LRRC40: variants seen among roughly 807,000 people sequenced by gnomAD.
LRRC40 encodes leucine rich repeat containing 40.
LRRC40 carries 76 observed loss-of-function variants against 72.8 expected under a neutral mutation model. The observed-to-expected ratio is 1.04, with a 90% CI of 0.87 to 1.26. The LOEUF (loss-of-function observed/expected upper bound fraction) is 1.26, where lower values mean the gene tolerates loss of function less well. LRRC40 is among the 50% of genes most tolerant of loss of function. The pLI is 0.00. For missense variants in LRRC40, 684 were observed against 698.9 expected, an observed-to-expected ratio of 0.98 and a Z score of 0.24; for synonymous variants, 243 against 254.2, an observed-to-expected ratio of 0.96 and a Z score of 0.42.
Position 70,145,901 on chromosome 1 carries a change from AT to A in LRRC40, c.1707del (p.Leu570TyrfsTer16), listed in dbSNP as rs747140065. 21 of 1,547,300 alleles carry A rather than the reference AT, an allele frequency of 1.4e-5. No homozygotes were observed. The highest frequency in any genetic ancestry group is 3.6e-6 in the Non-Finnish European group (4 of 1,121,838). On this transcript the variant is annotated frameshift_variant, in exon 15 of 15. Transcript: ENST00000370952. LOFTEE classifies it high-confidence loss of function. Reference sequence around the variant, plus strand: ...CGGAATGGATTTCCATCCAGTAGTAATGTTCTAAACAAAAGAGAGAAATTGA... The same window carrying A: ...CGGAATGGATTTCCATCCAGTAGTAAGTTCTAAACAAAAGAGAGAAATTGA... Reference protein sequence around the residue: ...PELGNCVNLRTLLLDGNPFRV... With the variant: ...PELGNCVNLRXLLLDGNPFRV...
chr1:70,156,514 C>T (rs1667639886), intron 10 of LRRC40, among the ~76,000 whole-genome samples: 1 of 151,904 alleles, frequency 6.6e-6, no homozygotes. Context: ...AAATAAATTT[C>T]CTCTTTATTA....
chr1:70,181,043 C>A (rs760337834), intron 5 of LRRC40, 43 bp downstream of exon 5: 4 of 1,339,642 alleles, frequency 3.0e-6, no homozygotes, highest in Admixed American at 2.3e-5. Flanking sequence ...GTAAGTTGCA[C>A]CAACTTCAAA....
intron 1 of LRRC40, among the ~76,000 whole-genome samples, chr1:70,199,320 G>C (rs1446012133): frequency 6.6e-6 from 1 of 150,934 alleles, no homozygotes; most frequent in African/African-American, 2.4e-5. Flanking sequence ...CACTTTTTAT[G>C]CTTTTCTCTA....
At position 70,145,912 on chromosome 1, in the gene LRRC40, A is replaced by G. The variant is rs548081914; in HGVS notation, c.1704-7T>C. The stretch of plus-strand genomic sequence containing the variant: ...TCCATCCAGTAGTAATGTTCTAAAC[A>G]AAAGAGAGAAATTGAGAATGTAAAC... On this transcript the variant is annotated splice_region_variant and splice_polypyrimidine_tract_variant and intron_variant, in intron 14 of 14. Coordinates refer to ENST00000370952, the MANE Select transcript of LRRC40 (RefSeq NM_017768.5). The G allele has an allele frequency of 2.1e-6, 3 of 1,398,172 alleles. No homozygotes were observed. The highest frequency in any genetic ancestry group is 2.3e-5 in the East Asian group (1 of 42,900). The allele number at this position is 1,398,172 out of a possible 1,614,324, so 86.6% of individuals were successfully genotyped here. A position where few individuals can be genotyped will look rare whatever the true frequency, so the allele number is the denominator to read the frequency against.
chr1:70,182,851 A>T (rs1668277010), intron 4 of LRRC40, among the ~76,000 whole-genome samples: 1 of 152,148 alleles, frequency 6.6e-6, no homozygotes, highest in Admixed American at 6.5e-5. Flanking sequence ...GAGTCTGTAG[A>T]ACACAATTCT....
At chr1:70,195,777 A>G (rs1004931764) in intron 1 of LRRC40, among the ~76,000 whole-genome samples, 2 of 152,156 alleles carry the variant, frequency 1.3e-5, no homozygotes, top group African/African-American at 4.8e-5. Flanking sequence ...CTGGACTTAC[A>G]GGCATGTGCC....
chr1:70,145,911 CA>C lies in LRRC40; in HGVS notation c.1704-7del. On this transcript the variant is annotated splice_polypyrimidine_tract_variant and splice_region_variant and intron_variant, in intron 14 of 14. Coordinates refer to ENST00000370952, the MANE Select transcript of LRRC40 (RefSeq NM_017768.5). ...TTCCATCCAGTAGTAATGTTCTAAA[CA>C]AAAGAGAGAAATTGAGAATGTAAAC... The C allele has an allele frequency of 7.0e-7, 1 of 1,436,246 alleles. No homozygotes were observed. Among genetic ancestry groups the C allele is most frequent in the Non-Finnish European group, 9.7e-7 (1 of 1,029,878 alleles). The allele number at this position is 1,436,246 out of a possible 1,614,324, so 89.0% of individuals were successfully genotyped here.
rs772790179 is a variant in LRRC40 at position 70,181,155 on chromosome 1, T to A, written c.592A>T (p.Ser198Cys). Residue 198 changes from serine (S) to cysteine (C), a missense_variant, in exon 5 of 15, where the codon AGT (serine) becomes TGT (cysteine). Coordinates refer to ENST00000370952, the MANE Select transcript of LRRC40 (RefSeq NM_017768.5). ...TVPASFSSLSSLVRLNLSSNE... is the reference protein window; with the variant it reads ...TVPASFSSLSCLVRLNLSSNE... The stretch of plus-strand genomic sequence containing the variant: ...CTAGAAAGATTGAGTCGCACCAGAC[T>A]GGACAGAGAAGAAAAACTAGCAGGA... The A allele has an allele frequency of 6.3e-7, 1 of 1,597,122 alleles. No homozygotes were observed. The highest frequency in any genetic ancestry group is 8.5e-7 in the Non-Finnish European group (1 of 1,172,680).
rs1029478787 is a variant in LRRC40, at chr1:70,189,258, C to T, written c.167G>A (p.Trp56Ter). 2 of 1,604,074 alleles carry T rather than the reference C, an allele frequency of 1.2e-6. No homozygotes were observed. Among genetic ancestry groups the T allele is most frequent in the East Asian group, 2.2e-5 (1 of 44,576 alleles). The stretch of plus-strand genomic sequence containing the variant: ...CTCAGGGATATCCACATTTATTCTC[C>T]AGACACACTGCGGCACTAGTTCCAT... ...RNLSEVPQCV[W>*]RINVDIPEEA... Residue 56 changes from tryptophan to a stop codon, truncating the protein, a stop_gained, in exon 2 of 15, where the codon TGG (tryptophan) becomes TAG (stop). Coordinates refer to ENST00000370952, the MANE Select transcript of LRRC40 (RefSeq NM_017768.5). LOFTEE classifies it high-confidence loss of function.
intron 14 of LRRC40, 67 bp downstream of exon 14, chr1:70,148,414 TGAAAAA>T (rs1402657719): frequency 2.3e-6 from 3 of 1,305,234 alleles, no homozygotes; most frequent in African/African-American, 3.0e-5. Context: ...CAAATTTATC[TGAAAAA>T]GAAAAACAAA....
At chr1:70,162,577 G>C (rs1667788965) in intron 9 of LRRC40, among the ~76,000 whole-genome samples, 1 of 152,116 alleles carries the variant, frequency 6.6e-6, no homozygotes, top group Admixed American at 6.6e-5. Flanking sequence ...TTTATCACAT[G>C]AAAGATGATG....
In LRRC40 at chr1:70,152,435, G is replaced by A. The variant is rs1278345988; in HGVS notation, c.1437C>T (p.Leu479=). Residue 479 remains leucine (L), a splice_region_variant and synonymous_variant, in exon 12 of 15, where the codon CTC becomes CTT. Coordinates refer to ENST00000370952, the MANE Select transcript of LRRC40 (RefSeq NM_017768.5). ...CVLQKLTFLD[L]RNNFLNSLPE... is the part of the protein sequence containing the mutation. ...CAAGCAATAGTATCAATAAATACCTGAGATCTAAAAAAGTCAATTTCTGAA... is the reference window on the plus strand; with the variant it reads ...CAAGCAATAGTATCAATAAATACCTAAGATCTAAAAAAGTCAATTTCTGAA... The A allele has an allele frequency of 6.8e-7, 1 of 1,478,702 alleles. No homozygotes were observed. The highest frequency in any genetic ancestry group is 9.4e-7 in the Non-Finnish European group (1 of 1,060,610). The allele number at this position is 1,478,702 out of a possible 1,614,324, so 91.6% of individuals were successfully genotyped here.
At chr1:70,152,083 T>C (rs920672995) in intron 12 of LRRC40, 2 of 180,956 alleles carry the variant, frequency 1.1e-5, no homozygotes, top group African/African-American at 2.4e-5. Flanking sequence ...AATAACCCAC[T>C]CAGCTGGTTT....
At position 70,145,871 on chromosome 1, in the gene LRRC40, G is replaced by A; in HGVS notation, c.1738C>T (p.Pro580Ser). The A allele has an allele frequency of 6.2e-7, 1 of 1,608,248 alleles. No individual in the cohort carries two copies. Among genetic ancestry groups the A allele is most frequent in the South Asian group, 1.1e-5 (1 of 90,736 alleles). ...CCTTTCATTAATATGGCTGCTCGAG[G>A]AACTCGGAATGGATTTCCATCCAGT... ...LLLDGNPFRV[P>S]RAAILMKGTA... Residue 580 changes from proline to serine, a missense_variant, in exon 15 of 15, where the codon CCT (proline) becomes TCT (serine). Pro to Ser is a moderately conservative substitution (Grantham distance 74). Coordinates refer to ENST00000370952, the MANE Select transcript of LRRC40 (RefSeq NM_017768.5).
At position 70,159,355 on chromosome 1, in the gene LRRC40, T is replaced by C. The variant is rs745563427; in HGVS notation, c.1195A>G (p.Ile399Val). The change falls in exon 10 of 15, where the codon ATT (isoleucine) becomes GTT (valine). Residue 399 changes from isoleucine (I) to valine (V), a missense_variant. Physicochemically the swap from Ile to Val is conservative, Grantham distance 29. Transcript: ENST00000370952. ...CTATAGTCTAATATTTTTAATGTAATGATGGCATGTATATTGACTCTGGAT... is the reference window on the plus strand; with the variant it reads ...CTATAGTCTAATATTTTTAATGTAACGATGGCATGTATATTGACTCTGGAT... ...SESRVNIHAI[I>V]TLKILDYSDK... 6.6e-7 allele frequency: 1 copy of C among 1,526,610 alleles called. No homozygotes were observed. Among genetic ancestry groups the C allele is most frequent in the South Asian group, 1.2e-5 (1 of 83,670 alleles). 94.6% of individuals were successfully genotyped at this position (1,526,610 alleles called of 1,614,324 possible).
chr1:70,176,086 C>T (rs1668098259), intron 6 of LRRC40, 104 bp from the exon 7 acceptor site: 2 of 608,362 alleles, frequency 3.3e-6, no homozygotes, highest in African/African-American at 3.9e-5. Context: ...TTGAAAAACA[C>T]ATAGAAAAAA....
intron 9 of LRRC40, among the ~76,000 whole-genome samples, chr1:70,171,490 A>T (rs1459013906): frequency 6.6e-6 from 1 of 152,162 alleles, no homozygotes; most frequent in African/African-American, 2.4e-5. Flanking sequence ...CTTACAGCTC[A>T]ATGATTTAAA....
chr1:70,175,714 A>G, intron 7 of LRRC40, 96 bp downstream of exon 7: 2 of 890,694 alleles, frequency 2.2e-6, no homozygotes, highest in Non-Finnish European at 3.3e-6. Flanking sequence ...TTCAATTTAG[A>G]AAAAAGGAAC....
At chr1:70,187,745 T>G (rs699221) in intron 2 of LRRC40, among the ~76,000 whole-genome samples, 2 of 152,084 alleles carry the variant, frequency 1.3e-5, no homozygotes, top group East Asian at 3.9e-4. Context: ...GTGGGAAGAT[T>G]GCTTGAGCCT....
Sources: allele counts gnomAD v4.1 joint callset (sites outside exome capture counted in the v4.1 genomes callset), GRCh38; gene constraint gnomAD v4.1.1; transcripts MANE v1.5; gene names NCBI Gene and HGNC (gene_info 2026-07-23, HGNC 2026-07-21).